The following MCM3AP variants were observed in gnomAD, a reference collection of about 807,000 sequenced individuals.
MCM3AP encodes germinal-center associated nuclear protein.
In MCM3AP, 126 loss-of-function variants were observed where a neutral mutation model predicts 184.1. The observed-to-expected ratio is 0.68, with a 90% CI of 0.59 to 0.79. MCM3AP has a LOEUF of 0.79. Ranked by LOEUF, MCM3AP falls within the 30% of genes least tolerant of loss-of-function variation. MCM3AP has a pLI of 0.00. For missense variants in MCM3AP, 2,496 were observed against 2,479.2 expected, an observed-to-expected ratio of 1.01 and a Z score of -0.14; for synonymous variants, 1,002 against 979.3, an observed-to-expected ratio of 1.02 and a Z score of -0.43.
intron 22 of MCM3AP, among the ~76,000 whole-genome samples, chr21:46,245,960 A>G (rs923872194): frequency 2.6e-5 from 4 of 152,258 alleles, no homozygotes; most frequent in African/African-American, 9.6e-5. Context: ...ATTTTACATG[A>G]ACAATTTAAT....
chr21:46,270,482 A>G lies in MCM3AP; in HGVS notation c.2547T>C (p.Ser849=). 6.2e-7 allele frequency: 1 copy of G among 1,613,832 alleles called. No individual in the cohort carries two copies. Among genetic ancestry groups the G allele is most frequent in the Non-Finnish European group, 8.5e-7 (1 of 1,179,748 alleles). Residue 849 remains serine, a synonymous_variant, in exon 9 of 28, where the codon AGT becomes AGC. Transcript: ENST00000291688. Reference sequence around the variant, plus strand: ...GTTTGAAAAATCTCACAAAATTATTACTGTTCAATGCAGCAAAAGCCTGAA... The same window carrying G: ...GTTTGAAAAATCTCACAAAATTATTGCTGTTCAATGCAGCAAAAGCCTGAA... ...FAVQAFAALN[S]NNFVRFFKLV... is the part of the protein sequence containing the mutation.
chr21:46,277,876 T>C (rs2081276251), intron 4 of MCM3AP, among the ~76,000 whole-genome samples, 159 bp from the exon 5 acceptor site: 1 of 152,158 alleles, frequency 6.6e-6, no homozygotes, highest in African/African-American at 2.4e-5. Flanking sequence ...AGGATGGTAA[T>C]GAGCACAAAA....
Position 46,285,428 on chromosome 21 carries a change from G to C in MCM3AP, c.-142C>G. ...GAAAAATTCAGATCATCATAGCTAT[G>C]TTCTGCTACAAGTCTAAGAAAAGAA... is the stretch of plus-strand genomic sequence containing the variant. On this transcript the variant is annotated 5_prime_UTR_variant, in exon 1 of 28. Transcript: ENST00000291688. 1.6e-6 allele frequency: 1 copy of C among 632,568 alleles called. No individual in the cohort carries two copies. Among genetic ancestry groups the C allele is most frequent in the Admixed American group, 2.8e-5 (1 of 35,258 alleles). The allele number at this position is 632,568 out of a possible 1,614,324, so 39.2% of individuals were successfully genotyped here.
At chr21:46,257,508 T>C (rs1425138982) in intron 16 of MCM3AP, among the ~76,000 whole-genome samples, 1 of 143,720 alleles carries the variant, frequency 7.0e-6, no homozygotes, top group African/African-American at 2.6e-5. Context: ...AAGATACATA[T>C]ATCCCTTGAC....
intron 13 of MCM3AP, among the ~76,000 whole-genome samples, chr21:46,262,028 T>C (rs17176527): frequency 6.6e-6 from 1 of 152,206 alleles, no homozygotes; most frequent in Admixed American, 6.5e-5. Flanking sequence ...TCCAAGCGTT[T>C]TGAAGAAGGG....
chr21:46,264,232 G>A lies in MCM3AP; in HGVS notation c.3235-15C>T. The A allele has an allele frequency of 6.4e-7, 1 of 1,564,734 alleles. No homozygotes were observed. Among genetic ancestry groups the A allele is most frequent in the Non-Finnish European group, 8.8e-7 (1 of 1,138,132 alleles). ...TGCGCCAGGTCCTGTGGAGAGACCAGCATGGGGTGTAATGGAACGTCCCAC... is the reference window on the plus strand; with the variant it reads ...TGCGCCAGGTCCTGTGGAGAGACCAACATGGGGTGTAATGGAACGTCCCAC... On this transcript the variant is annotated splice_polypyrimidine_tract_variant and intron_variant, in intron 12 of 27. Transcript: ENST00000291688.
Position 46,270,382 on chromosome 21 carries a change from G to T in MCM3AP, c.2628+19C>A, listed in dbSNP as rs763084505. 1 of 1,599,828 alleles carries T rather than the reference G, an allele frequency of 6.3e-7. No individual in the cohort carries two copies. The highest frequency in any genetic ancestry group is 8.5e-7 in the Non-Finnish European group (1 of 1,173,812). ...CACCTGCTTTCTTCCAACTCTGCAA[G>T]CACAGCTCATTTACTCACCTGACTG... is the stretch of plus-strand genomic sequence containing the variant. On this transcript the variant is annotated intron_variant, in intron 9 of 27. Coordinates refer to ENST00000291688, the MANE Select transcript of MCM3AP (RefSeq NM_003906.5).
chr21:46,235,460 G>A, intron 27 of MCM3AP, 34 bp from the exon 28 acceptor site: 1 of 1,599,448 alleles, frequency 6.3e-7, no homozygotes. Context: ...AACAGTTTTG[G>A]GATGTCAATA....
chr21:46,244,969 C>G lies in MCM3AP; in HGVS notation c.4876G>C (p.Glu1626Gln). 1.9e-6 allele frequency: 3 copies of G among 1,614,208 alleles called. No individual in the cohort carries two copies. Among genetic ancestry groups the G allele is most frequent in the Non-Finnish European group, 1.7e-6 (2 of 1,180,040 alleles). Residue 1626 changes from glutamate to glutamine, a missense_variant, in exon 23 of 28, where the codon GAA (glutamate) becomes CAA (glutamine). Around this residue, in one of 5 missense-constraint regions of MCM3AP, gnomAD observed 1,323 missense variants for 1,273.4 expected, o/e 1.04. Coordinates refer to ENST00000291688, the MANE Select transcript of MCM3AP (RefSeq NM_003906.5). ...LQFLASVVSS[E>Q]QLCDLSWPVT... Reference sequence around the variant, plus strand: ...GGCCAGGACAGGTCACACAGCTGTTCAGAGGACACCACAGAAGCCAGGAAC... The same window carrying G: ...GGCCAGGACAGGTCACACAGCTGTTGAGAGGACACCACAGAAGCCAGGAAC...
chr21:46,242,978 C>A, intron 24 of MCM3AP, 47 bp from the exon 25 acceptor site: 4 of 1,462,816 alleles, frequency 2.7e-6, no homozygotes, highest in South Asian at 1.4e-5. Context: ...CCTGGCCAAC[C>A]CTGTCTCAAA....
chr21:46,242,729 G>A, intron 25 of MCM3AP, 73 bp downstream of exon 25: 1 of 1,499,480 alleles, frequency 6.7e-7, no homozygotes, highest in Non-Finnish European at 9.1e-7. Flanking sequence ...CATGTAGGAT[G>A]TTAATTTCTA....
rs761737528 is a variant in MCM3AP, at chr21:46,254,450, A to C, written c.4078T>G (p.Trp1360Gly). 5.0e-6 allele frequency: 8 copies of C among 1,614,180 alleles called. No individual in the cohort carries two copies. The highest frequency in any genetic ancestry group is 8.5e-7 in the Non-Finnish European group (1 of 1,180,046). ...TCCGGCAACACCAGCACCAGCTTCC[A>C]AAACACATGCTCCTGCCTCCCAGGG... ...HLPGRQEHVFWKLVLVLPDVE... is the reference protein window; with the variant it reads ...HLPGRQEHVFGKLVLVLPDVE... The change falls in exon 19 of 28, where the codon TGG becomes GGG. Residue 1360 changes from tryptophan to glycine, a missense_variant. Trp to Gly is a radical substitution (Grantham distance 184). This residue lies in a region of MCM3AP where 1,323 missense variants were observed against 1,273.4 expected (regional missense o/e 1.04). Coordinates refer to ENST00000291688, the MANE Select transcript of MCM3AP (RefSeq NM_003906.5).
chr21:46,263,620 C>G (rs988228810), intron 13 of MCM3AP, among the ~76,000 whole-genome samples: 1 of 150,758 alleles, frequency 6.6e-6, no homozygotes. Context: ...AGCATCTCCA[C>G]AAAAAATAAA....
intron 2 of MCM3AP, among the ~76,000 whole-genome samples, chr21:46,282,622 G>C (rs1392060905): frequency 2.6e-5 from 4 of 152,006 alleles, no homozygotes; most frequent in Non-Finnish European, 5.9e-5. Flanking sequence ...GGCTGACACA[G>C]TGAAAGCCCG....
chr21:46,284,964 G>T lies in MCM3AP; in HGVS notation c.323C>A (p.Thr108Lys), dbSNP rs1482669418. ...GPSSSSVLGN[T>K]GFSFKSPTSV... ...GGTGGGTGATTTAAAACTAAATCCT[G>T]TGTTTCCCAGCACAGATGAACTTGA... is the stretch of plus-strand genomic sequence containing the variant. The change falls in exon 1 of 28, where the codon ACA (threonine) becomes AAA (lysine). Residue 108 changes from threonine (T) to lysine (K), a missense_variant. This residue lies in a region of MCM3AP where 800 missense variants were observed against 717.1 expected (regional missense o/e 1.12). Coordinates refer to ENST00000291688, the MANE Select transcript of MCM3AP (RefSeq NM_003906.5). 3.1e-6 allele frequency: 5 copies of T among 1,613,996 alleles called. No homozygotes were observed. In the Admixed American group the frequency reaches 5.0e-5, roughly 16 times the overall value.
intron 5 of MCM3AP, among the ~76,000 whole-genome samples, chr21:46,277,042 T>C (rs1307697781): frequency 6.6e-6 from 1 of 152,186 alleles, no homozygotes; most frequent in African/African-American, 2.4e-5. Flanking sequence ...TGAGCCACCA[T>C]GCCCAGCCCG....
Position 46,285,025 on chromosome 21 carries a change from C to G in MCM3AP, c.262G>C (p.Glu88Gln). ...GTAGCCACAAAGGTGGAAGTGTGCT[C>G]AAGTCCAGAAAAGGGTCCAACACTT... The part of the protein sequence containing the change: ...TSSVGPFSGL[E>Q]HTSTFVATSG... Residue 88 changes from glutamate to glutamine, a missense_variant, in exon 1 of 28, where the codon GAG (glutamate) becomes CAG (glutamine). By Grantham distance (29) the Glu-to-Gln change is conservative. Transcript: ENST00000291688. The G allele has an allele frequency of 6.2e-7, 1 of 1,614,178 alleles. No homozygotes were observed. Among genetic ancestry groups the G allele is most frequent in the East Asian group, 2.2e-5 (1 of 44,886 alleles).
intron 6 of MCM3AP, 37 bp from the exon 7 acceptor site, chr21:46,273,622 C>T: frequency 6.3e-7 from 1 of 1,579,836 alleles, no homozygotes; most frequent in South Asian, 1.1e-5. Context: ...GCCCATGTGG[C>T]ATACCTTGGG....
rs772722227 is a variant in MCM3AP at position 46,273,584 on chromosome 21, A to T, written c.2000T>A (p.Val667Glu). 6.2e-7 allele frequency: 1 copy of T among 1,613,206 alleles called. No individual in the cohort carries two copies. The highest frequency in any genetic ancestry group is 1.7e-5 in the Admixed American group (1 of 60,000). ...VFEVVPGTDQ[V>E]DHAAAVKEYS... ...CTCTTTCACAGCTGCTGCGTGGTCC[A>T]CCTAGAGACATGAAGCCGAGACAGG... is the stretch of plus-strand genomic sequence containing the variant. The change falls in exon 7 of 28, where the codon GTG becomes GAG. Residue 667 changes from valine to glutamate, a missense_variant and splice_region_variant. Coordinates refer to ENST00000291688, the MANE Select transcript of MCM3AP (RefSeq NM_003906.5).
Sources: allele counts gnomAD v4.1 joint callset (sites outside exome capture counted in the v4.1 genomes callset), GRCh38; gene constraint gnomAD v4.1.1; regional missense constraint gnomAD v4.1.1; transcripts MANE v1.5; gene names NCBI Gene and HGNC (gene_info 2026-07-23, HGNC 2026-07-21).